Variants in ADARB2 observed in about 807,000 individuals in gnomAD.
ADARB2 encodes the protein inactive double-stranded RNA-specific editase B2.
In ADARB2, 25 loss-of-function variants were observed where a neutral mutation model predicts 62.2. The ratio of observed to expected loss-of-function variants is 0.40; its 90% CI spans 0.29 to 0.56. The LOEUF is 0.56. Among genes scored for constraint, ADARB2 ranks in the 20% least tolerant of loss-of-function variants. The probability of loss-of-function intolerance (pLI) is 0.43; values close to 1 mark genes in which losing one functional copy is unlikely to be tolerated. For missense variants in ADARB2, 1,071 were observed against 1,077.4 expected (o/e 0.99, Z 0.08); for synonymous variants, 572 against 500.8 (o/e 1.14, Z -1.90).
chr10:1,387,422 G>A (rs1430330410), intron 1 of ADARB2, among the ~76,000 whole-genome samples: 1 of 151,952 alleles, frequency 6.6e-6, no homozygotes, highest in African/African-American at 2.4e-5. Context: ...TAAATGAGGG[G>A]ATCTTACTAT....
intron 1 of ADARB2, among the ~76,000 whole-genome samples, chr10:1,614,650 G>A (rs1267344850): frequency 6.6e-6 from 1 of 152,170 alleles, no homozygotes; most frequent in Non-Finnish European, 1.5e-5. Flanking sequence ...GGTGGCTTAC[G>A]CCTGTCATCC....
rs890628493 is a variant in ADARB2 at position 1,468,895 on chromosome 10, C to A, written c.101-89735G>T. Among the ~76,000 whole-genome samples, 3 of 152,248 alleles carry A rather than the reference C, an allele frequency of 2.0e-5. No individual in the cohort carries two copies. The East Asian group carries it at 5.8e-4, about 29-fold the overall frequency. On this transcript the variant is annotated intron_variant, in intron 1 of 9. Transcript: ENST00000381312. ...GAATTTGAAAGCTTGAAGAAGCCTGCAGGATCCACACCAACACTTTTGTTA... is the reference window on the plus strand; with the variant it reads ...GAATTTGAAAGCTTGAAGAAGCCTGAAGGATCCACACCAACACTTTTGTTA...
chr10:1,360,421 C>T (rs1039019963), intron 3 of ADARB2, among the ~76,000 whole-genome samples: 2 of 152,172 alleles, frequency 1.3e-5, no homozygotes, highest in East Asian at 3.9e-4. Context: ...CAGGGGTCTG[C>T]GTGGACAGGA....
At chr10:1,474,546 C>T (rs993178691) in intron 1 of ADARB2, among the ~76,000 whole-genome samples, 3 of 152,178 alleles carry the variant, frequency 2.0e-5, no homozygotes, top group East Asian at 1.9e-4. Context: ...CCGGAGCGGA[C>T]GGGCAAGGCG....
At chr10:1,482,519 G>C (rs914922205) in intron 1 of ADARB2, among the ~76,000 whole-genome samples, 1 of 152,206 alleles carries the variant, frequency 6.6e-6, no homozygotes, top group African/African-American at 2.4e-5. Context: ...GTTACCAGGA[G>C]GAGAAGTGGG....
At chr10:1,409,391 C>T (rs887780833) in intron 1 of ADARB2, among the ~76,000 whole-genome samples, 13 of 152,228 alleles carry the variant, frequency 8.5e-5, no homozygotes, top group African/African-American at 2.9e-4. Context: ...ACCCCATCTG[C>T]GTGGGGCGTG....
chr10:1,351,737 T>C (rs141780881), intron 3 of ADARB2, among the ~76,000 whole-genome samples: 12,218 of 151,692 alleles, frequency 0.081, 939 homozygotes, highest in African/African-American at 0.2. Context: ...TCCCACAGCA[T>C]GCTTTAAAAG....
chr10:1,548,290 C>T (rs1270242362), intron 1 of ADARB2, among the ~76,000 whole-genome samples: 2 of 152,194 alleles, frequency 1.3e-5, no homozygotes, highest in African/African-American at 4.8e-5. Flanking sequence ...CCTGGATTCT[C>T]CTTGTTGTCA....
chr10:1,501,457 A>G (rs1831767717), intron 1 of ADARB2, among the ~76,000 whole-genome samples: 1 of 152,188 alleles, frequency 6.6e-6, no homozygotes, highest in African/African-American at 2.4e-5. Context: ...ACTGGGCCCT[A>G]CATGAATCAG....
intron 1 of ADARB2, among the ~76,000 whole-genome samples, chr10:1,582,702 A>T (rs1160732332): frequency 2.0e-5 from 3 of 152,108 alleles, no homozygotes; most frequent in Non-Finnish European, 4.4e-5. Context: ...ACACTAGTGC[A>T]AATGCTACTC....
At chr10:1,603,088 C>T (rs1735477904) in intron 1 of ADARB2, among the ~76,000 whole-genome samples, 1 of 135,900 alleles carries the variant, frequency 7.4e-6, no homozygotes, top group South Asian at 2.5e-4. Context: ...CCTGTACACA[C>T]ATACACACAT....
intron 1 of ADARB2, among the ~76,000 whole-genome samples, chr10:1,393,983 C>T (rs1039671984): frequency 2.0e-5 from 3 of 152,178 alleles, no homozygotes; most frequent in Non-Finnish European, 4.4e-5. Context: ...GCAGAAGTTG[C>T]CTGACATCAT....
intron 7 of ADARB2, among the ~76,000 whole-genome samples, chr10:1,201,371 T>G (rs1836982528): frequency 6.6e-6 from 1 of 152,252 alleles, no homozygotes; most frequent in South Asian, 2.1e-4. Flanking sequence ...TAAACAGTCA[T>G]TGATTTTATG....
intron 3 of ADARB2, among the ~76,000 whole-genome samples, chr10:1,354,464 T>C (rs1832174820): frequency 6.8e-6 from 1 of 147,724 alleles, no homozygotes; most frequent in Admixed American, 6.7e-5. Context: ...CCCATCTCCC[T>C]TCGCTGATTC....
At chr10:1,208,955 G>T (rs1219916676) in intron 7 of ADARB2, among the ~76,000 whole-genome samples, 1 of 152,196 alleles carries the variant, frequency 6.6e-6, no homozygotes, top group Non-Finnish European at 1.5e-5. Context: ...ACTGAGGCAG[G>T]TGGGGTGGGG....
chr10:1,479,130 C>CT (rs1223832007), intron 1 of ADARB2, among the ~76,000 whole-genome samples: 1 of 152,234 alleles, frequency 6.6e-6, no homozygotes, highest in Non-Finnish European at 1.5e-5. Context: ...AGGGTGACCT[C>CT]TCTGGGTCAA....
intron 1 of ADARB2, among the ~76,000 whole-genome samples, chr10:1,658,859 T>A (rs932892065): frequency 6.6e-6 from 1 of 152,244 alleles, no homozygotes; most frequent in Admixed American, 6.5e-5. Context: ...CTGTCAGTAT[T>A]GTTATCCTGC....
chr10:1,733,443 AAC>A (rs756741108), intron 1 of ADARB2, among the ~76,000 whole-genome samples: 1 of 152,232 alleles, frequency 6.6e-6, no homozygotes, highest in Non-Finnish European at 1.5e-5. Context: ...AAGAGAGAAA[AAC>A]AGATAGACAA....
At chr10:1,452,069 A>T (rs570326025) in intron 1 of ADARB2, among the ~76,000 whole-genome samples, 1 of 152,318 alleles carries the variant, frequency 6.6e-6, no homozygotes, top group South Asian at 2.1e-4. Context: ...GCCTGCTGCC[A>T]TGCACCCCTG....
Sources: gnomAD v4.1 joint callset for allele counts (sites outside exome capture counted in the v4.1 genomes callset) on GRCh38, gnomAD v4.1.1 for gene constraint, MANE v1.5 for transcripts, NCBI Gene and HGNC (gene_info 2026-07-23, HGNC 2026-07-21) for gene names.